The following DPYS variants were observed in gnomAD, a reference collection of about 807,000 sequenced individuals.
The protein encoded by DPYS is dihydropyrimidine amidohydrolase.
DPYS carries 39 observed loss-of-function variants against 50.3 expected under a neutral mutation model. The ratio of observed to expected loss-of-function variants is 0.78; its 90% CI spans 0.60 to 1.01. DPYS has a LOEUF of 1.01. Ranked by LOEUF, DPYS falls within the 50% of genes least tolerant of loss-of-function variation. The pLI is 0.00. For missense variants in DPYS, 659 were observed against 680.9 expected, an observed-to-expected ratio of 0.97 and a Z score of 0.36; for synonymous variants, 245 against 250.7, an observed-to-expected ratio of 0.98 and a Z score of 0.22.
chr8:104,463,693 T>C (rs907315220), intron 1 of DPYS, among the ~76,000 whole-genome samples: 21 of 152,274 alleles, frequency 1.4e-4, no homozygotes, highest in Middle Eastern at 6.8e-3. Flanking sequence ...CTTGATAAAA[T>C]AGATGTTACT....
At chr8:104,454,203 T>C (rs1813850963) in intron 1 of DPYS, among the ~76,000 whole-genome samples, 1 of 152,070 alleles carries the variant, frequency 6.6e-6, no homozygotes, top group Non-Finnish European at 1.5e-5. Context: ...CTGGCCAACA[T>C]GGTGAAACCC....
chr8:104,438,254 C>T (rs576763138), intron 4 of DPYS, among the ~76,000 whole-genome samples: 70 of 152,274 alleles, frequency 4.6e-4, no homozygotes, highest in African/African-American at 1.5e-3. Context: ...CAAAGAATCT[C>T]TGCAAGTAGA....
chr8:104,425,241 G>C (rs574972937), intron 6 of DPYS, among the ~76,000 whole-genome samples: 1 of 147,924 alleles, frequency 6.8e-6, no homozygotes, highest in Admixed American at 6.7e-5. Flanking sequence ...TAAATTTTTT[G>C]TTTCGAGATA....
intron 7 of DPYS, among the ~76,000 whole-genome samples, chr8:104,416,448 A>G (rs1017905206): frequency 1.3e-5 from 2 of 152,220 alleles, no homozygotes; most frequent in Non-Finnish European, 2.9e-5. Flanking sequence ...ACAAGACATC[A>G]CAGTGACAAA....
chr8:104,409,181 C>A (rs1812092631), intron 7 of DPYS, among the ~76,000 whole-genome samples: 1 of 151,898 alleles, frequency 6.6e-6, no homozygotes, highest in Non-Finnish European at 1.5e-5. Flanking sequence ...ACCAACATGC[C>A]AGTCACAAAC....
intron 1 of DPYS, among the ~76,000 whole-genome samples, chr8:104,454,750 C>T (rs1213975344): frequency 6.6e-6 from 1 of 151,952 alleles, no homozygotes; most frequent in Non-Finnish European, 1.5e-5. Context: ...TGCTAAGCTC[C>T]CTAGAAGAGG....
At chr8:104,416,190 C>A (rs1051125590) in intron 7 of DPYS, among the ~76,000 whole-genome samples, 2 of 152,200 alleles carry the variant, frequency 1.3e-5, no homozygotes, top group African/African-American at 4.8e-5. Context: ...TGCTCCCCCC[C>A]AATAGCCCAG....
intron 1 of DPYS, among the ~76,000 whole-genome samples, chr8:104,456,598 T>A (rs1307615389): frequency 6.6e-6 from 1 of 152,236 alleles, no homozygotes; most frequent in African/African-American, 2.4e-5. Flanking sequence ...CTGTATTGAA[T>A]GGGAAAGGAT....
chr8:104,445,246 A>T (rs1477142659), intron 3 of DPYS, among the ~76,000 whole-genome samples: 1 of 152,230 alleles, frequency 6.6e-6, no homozygotes, highest in Non-Finnish European at 1.5e-5. Flanking sequence ...CATATGATCC[A>T]GCAACCCCAC....
At chr8:104,396,279 T>C (rs1375593029) in intron 7 of DPYS, among the ~76,000 whole-genome samples, 5 of 152,202 alleles carry the variant, frequency 3.3e-5, no homozygotes, top group African/African-American at 1.2e-4. Context: ...ATTTTTGGAC[T>C]GATGCATTAG....
At chr8:104,441,960 C>A (rs866961892) in intron 4 of DPYS, among the ~76,000 whole-genome samples, 1 of 151,056 alleles carries the variant, frequency 6.6e-6, no homozygotes, top group Non-Finnish European at 1.5e-5. Context: ...AATGTGTAGA[C>A]AAGGTGTATA....
chr8:104,455,726 A>G (rs915690385), intron 1 of DPYS, among the ~76,000 whole-genome samples: 3 of 152,158 alleles, frequency 2.0e-5, no homozygotes, highest in African/African-American at 7.2e-5. Flanking sequence ...ATGAGCCACA[A>G]TAACATGCTT....
intron 4 of DPYS, among the ~76,000 whole-genome samples, chr8:104,433,756 G>A (rs1813031363): frequency 6.6e-6 from 1 of 152,174 alleles, no homozygotes; most frequent in South Asian, 2.1e-4. Flanking sequence ...ATGAAATTTG[G>A]TGTATTCTTG....
intron 4 of DPYS, among the ~76,000 whole-genome samples, chr8:104,431,838 A>C (rs1436721460): frequency 6.6e-6 from 1 of 152,212 alleles, no homozygotes; most frequent in African/African-American, 2.4e-5. Flanking sequence ...CCAGAATTAC[A>C]GTCATAGTAT....
chr8:104,427,837 G>T, intron 6 of DPYS, 143 bp downstream of exon 6: 1 of 1,153,474 alleles, frequency 8.7e-7, no homozygotes, highest in Non-Finnish European at 1.3e-6. Flanking sequence ...TGGTCGAGGT[G>T]ATAGTATTGC....
chr8:104,393,015 A>T, intron 7 of DPYS, 24 bp from the exon 8 acceptor site: 2 of 1,609,112 alleles, frequency 1.2e-6, no homozygotes, highest in Non-Finnish European at 1.7e-6. Context: ...AACAACAAAA[A>T]AGTTCTGGAT....
At chr8:104,432,162 G>A (rs1464682850) in intron 4 of DPYS, among the ~76,000 whole-genome samples, 2 of 152,152 alleles carry the variant, frequency 1.3e-5, no homozygotes, top group East Asian at 1.9e-4. Flanking sequence ...ACATTAGGTT[G>A]TATCGTCTCT....
intron 1 of DPYS, among the ~76,000 whole-genome samples, chr8:104,465,804 T>C (rs76274329): frequency 0.015 from 2,216 of 152,310 alleles, 31 homozygotes; most frequent in Non-Finnish European, 0.022. Context: ...TTTCCTTTCA[T>C]TGACCCAAAC....
Position 104,408,664 on chromosome 8 carries a change from C to A in DPYS, c.1235+15583G>T, listed in dbSNP as rs532222036. On this transcript the variant is annotated intron_variant, in intron 7 of 9. Transcript: ENST00000351513. ...AAAAATTTTAAAGCTTTAAATTACC[C>A]ATTACTATGAAATCTAAATTAAGGA... Among the ~76,000 whole-genome samples the A allele has an allele frequency of 2.0e-5, 3 of 152,146 alleles. No individual in the cohort carries two copies. The South Asian group carries it at 6.2e-4, about 32-fold the overall frequency.
Sources: gnomAD v4.1 joint callset for allele counts (sites outside exome capture counted in the v4.1 genomes callset) on GRCh38, gnomAD v4.1.1 for gene constraint, MANE v1.5 for transcripts, NCBI Gene and HGNC (gene_info 2026-07-23, HGNC 2026-07-21) for gene names.